Variants in EXTL3 observed in about 807,000 individuals in gnomAD.
The protein encoded by EXTL3 is exostosin like glycosyltransferase 3, also known as exostosin-like 3.
A neutral mutation model predicts 69.3 loss-of-function variants in EXTL3; 27 were observed. The observed-to-expected ratio is 0.39, with a 90% confidence interval of 0.29 to 0.54. EXTL3 has a LOEUF of 0.54. Ranked by LOEUF, EXTL3 falls within the 20% of genes least tolerant of loss-of-function variation. The pLI is 0.69. For synonymous variants in EXTL3, 511 were observed against 499.4 expected, an observed-to-expected ratio of 1.02 and a Z score of -0.31; for missense variants, 1,003 against 1,231.8, an observed-to-expected ratio of 0.81 and a Z score of 2.78.
intron 1 of EXTL3, among the ~76,000 whole-genome samples, chr8:28,676,955 C>T (rs1025700033): frequency 9.9e-5 from 15 of 152,052 alleles, no homozygotes; most frequent in African/African-American, 3.6e-4. Flanking sequence ...GGTCTGCAGA[C>T]CATGCTTTGG....
chr8:28,706,984 G>A (rs1400066323), intron 1 of EXTL3, among the ~76,000 whole-genome samples: 1 of 151,740 alleles, frequency 6.6e-6, no homozygotes, highest in Non-Finnish European at 1.5e-5. Flanking sequence ...TCCTTTTCTT[G>A]TTACGGTTCA....
At chr8:28,746,297 A>G (rs1281443846) in intron 6 of EXTL3, among the ~76,000 whole-genome samples, 2 of 152,162 alleles carry the variant, frequency 1.3e-5, no homozygotes, top group African/African-American at 4.8e-5. Context: ...CTACTTTTGC[A>G]AGGAGAACAC....
chr8:28,756,121 C>A (rs1185703724), downstream of EXTL3, among the ~76,000 whole-genome samples: 1 of 152,210 alleles, frequency 6.6e-6, no homozygotes, highest in Non-Finnish European at 1.5e-5. Context: ...CACTGTAATG[C>A]ACACATCTTC....
chr8:28,709,825 C>T (rs1279260936), intron 1 of EXTL3, among the ~76,000 whole-genome samples: 2 of 152,070 alleles, frequency 1.3e-5, no homozygotes, highest in Admixed American at 6.5e-5. Context: ...GGCCCTGGTA[C>T]GTGGAGGTGG....
chr8:28,661,870 G>A (rs957227158), intron 1 of EXTL3, among the ~76,000 whole-genome samples: 9 of 150,608 alleles, frequency 6.0e-5, no homozygotes, highest in Admixed American at 4.0e-4. Flanking sequence ...GGGCAACAGA[G>A]TGAAACTCCT....
intron 1 of EXTL3, among the ~76,000 whole-genome samples, chr8:28,625,707 A>G (rs774836824): frequency 1.3e-5 from 2 of 152,162 alleles, no homozygotes; most frequent in African/African-American, 4.8e-5. Context: ...AAATCAACCC[A>G]GAGATAATTA....
chr8:28,717,353 C>T lies in EXTL3; in HGVS notation c.1294C>T (p.Leu432Phe). 1 of 1,614,226 alleles carries T rather than the reference C, an allele frequency of 6.2e-7. No individual in the cohort carries two copies. The highest frequency in any genetic ancestry group is 2.2e-5 in the East Asian group (1 of 44,876). Residue 432 changes from leucine to phenylalanine, a missense_variant, in exon 3 of 7, where the codon CTC (leucine) becomes TTC (phenylalanine). By Grantham distance (22) the Leu-to-Phe change is conservative. Coordinates refer to ENST00000220562, the MANE Select transcript of EXTL3 (RefSeq NM_001440.4). The surrounding 1 kb of genome is among the most constrained non-coding windows in gnomAD (Gnocchi z 8.3). ...ATTGCTGAAGCTCTCCACCTTCGCC[C>T]TCATCATTACCCCCGGGGACCCTCG... ...LELLKLSTFA[L>F]IITPGDPRLV...
At chr8:28,748,983 T>A (rs1401042161) in intron 6 of EXTL3, among the ~76,000 whole-genome samples, 1 of 152,214 alleles carries the variant, frequency 6.6e-6, no homozygotes, top group Non-Finnish European at 1.5e-5. Context: ...TCGATACCCT[T>A]GGACTGTTTG....
intron 1 of EXTL3, among the ~76,000 whole-genome samples, chr8:28,685,086 G>A (rs1807554941): frequency 6.6e-6 from 1 of 151,888 alleles, no homozygotes; most frequent in Non-Finnish European, 1.5e-5. Flanking sequence ...TGAGTAGCTG[G>A]GATTACAGGC....
At chr8:28,738,605 C>T (rs1046325281) in intron 5 of EXTL3, among the ~76,000 whole-genome samples, 20 of 152,140 alleles carry the variant, frequency 1.3e-4, no homozygotes, top group African/African-American at 4.8e-4. Flanking sequence ...TCTAAGATTA[C>T]CCTGGCATTA....
At chr8:28,669,253 T>C (rs551296901) in intron 1 of EXTL3, among the ~76,000 whole-genome samples, 6 of 152,310 alleles carry the variant, frequency 3.9e-5, no homozygotes, top group African/African-American at 1.4e-4. Flanking sequence ...CTGCACTAAC[T>C]ATAAGGAAAA....
upstream of EXTL3, chr8:28,700,781 C>A: frequency 6.6e-6 from 1 of 152,446 alleles, no homozygotes; most frequent in Non-Finnish European, 1.5e-5. Flanking sequence ...GCTCCCACCC[C>A]CATCCCCTGT....
chr8:28,631,684 T>C (rs1161253418), intron 1 of EXTL3: 1 of 152,226 alleles, frequency 6.6e-6, no homozygotes, highest in East Asian at 1.9e-4. Flanking sequence ...GGTAGGATGA[T>C]GCCATGGAAA....
At chr8:28,725,287 G>A (rs1801389858) in intron 3 of EXTL3, among the ~76,000 whole-genome samples, 1 of 152,072 alleles carries the variant, frequency 6.6e-6, no homozygotes, top group African/African-American at 2.4e-5. Flanking sequence ...AAGGTCAAGG[G>A]TCCCGTGAAT....
At chr8:28,704,240 A>G (rs1402966212) in intron 1 of EXTL3, among the ~76,000 whole-genome samples, 2 of 152,224 alleles carry the variant, frequency 1.3e-5, no homozygotes, top group African/African-American at 4.8e-5. Context: ...CATGCACCCA[A>G]ATGACCCATC....
intron 2 of EXTL3, among the ~76,000 whole-genome samples, chr8:28,610,267 G>T (rs1806255082): frequency 4.0e-5 from 6 of 151,494 alleles, no homozygotes; most frequent in Admixed American, 3.9e-4. Flanking sequence ...CAATTCCAGA[G>T]TTAGTCGAGA....
At chr8:28,610,918 T>C (rs995679408) in intron 2 of EXTL3, among the ~76,000 whole-genome samples, 12 of 152,034 alleles carry the variant, frequency 7.9e-5, no homozygotes, top group Middle Eastern at 3.2e-3. Context: ...AATTTTTGTA[T>C]CTTTAGTAAA....
At chr8:28,728,641 T>C (rs1184551322) in intron 3 of EXTL3, among the ~76,000 whole-genome samples, 2 of 152,116 alleles carry the variant, frequency 1.3e-5, no homozygotes, top group African/African-American at 2.4e-5. Flanking sequence ...TGTCACTTTT[T>C]TTGGAAGGCT....
chr8:28,608,207 G>A (rs1806224637), intron 2 of EXTL3, among the ~76,000 whole-genome samples: 1 of 152,106 alleles, frequency 6.6e-6, no homozygotes, highest in East Asian at 1.9e-4. Flanking sequence ...TCTCTTAGGG[G>A]AGAAGCCTTT....
Sources: allele counts gnomAD v4.1 joint callset (sites outside exome capture counted in the v4.1 genomes callset), GRCh38; gene constraint gnomAD v4.1.1; non-coding constraint Gnocchi (gnomAD v3.1); transcripts MANE v1.5; gene names NCBI Gene and HGNC (gene_info 2026-07-23, HGNC 2026-07-21).